KCNB2: variants seen among roughly 807,000 people sequenced by gnomAD.
The protein encoded by KCNB2 is delayed rectifier potassium channel protein.
In KCNB2, 15 loss-of-function variants were observed where a neutral mutation model predicts 61.5. The observed-to-expected ratio is 0.24, with a 90% confidence interval of 0.16 to 0.38. The LOEUF (loss-of-function observed/expected upper bound fraction) is 0.38. Ranked by LOEUF, KCNB2 falls within the 10% of genes least tolerant of loss-of-function variation. The pLI is 1.00. For missense variants in KCNB2, 828 were observed against 1,125.2 expected (o/e 0.74, Z 3.78); for synonymous variants, 457 against 446.0 (o/e 1.02, Z -0.31).
chr8:72,851,826 GAA>G lies in KCNB2; in HGVS notation c.580-84088_580-84087del, dbSNP rs55696554. Among the ~76,000 whole-genome samples the G allele has an allele frequency of 9.3e-4, 41 of 43,854 alleles. 2 individuals are homozygous for G. The highest frequency in any genetic ancestry group is 2.9e-3 in the South Asian group (2 of 682). 28.8% of individuals were successfully genotyped at this position (43,854 alleles called of 152,430 possible). On this transcript the variant is annotated intron_variant, in intron 2 of 2. Coordinates refer to ENST00000523207, the MANE Select transcript of KCNB2 (RefSeq NM_004770.3). ...TTTTTTTTTAATGTAGAAGCTGTAG[GAA>G]AAAAAAAAAAAAAAAAAAAACACGT...
Position 72,585,298 on chromosome 8 carries a change from A to G in KCNB2, c.579+16985A>G, listed in dbSNP as rs1806986280. Among the ~76,000 whole-genome samples, 2 of 152,196 alleles carry G rather than the reference A, an allele frequency of 1.3e-5. 1 individual carries two copies. Among genetic ancestry groups the G allele is most frequent in the African/African-American group, 4.8e-5 (2 of 41,454 alleles). The stretch of plus-strand genomic sequence containing the variant: ...CAGGAATTCCCTAGGAATTCTTCAT[A>G]ATATATAAGTTGATACAATTTTCTT... On this transcript the variant is annotated intron_variant, in intron 2 of 2. Coordinates refer to ENST00000523207, the MANE Select transcript of KCNB2 (RefSeq NM_004770.3).
At chr8:72,724,577 C>T (rs984754110) in intron 2 of KCNB2, among the ~76,000 whole-genome samples, 6 of 152,078 alleles carry the variant, frequency 3.9e-5, no homozygotes, top group Non-Finnish European at 8.8e-5. Flanking sequence ...ACCATACCTA[C>T]CTAAAATTGC....
chr8:72,862,454 C>A (rs1398699353), intron 2 of KCNB2, among the ~76,000 whole-genome samples: 2 of 151,994 alleles, frequency 1.3e-5, no homozygotes, highest in East Asian at 3.9e-4. Flanking sequence ...TACACAAAAC[C>A]TAAGAATTAC....
chr8:72,692,174 T>C (rs1427962508), intron 2 of KCNB2, among the ~76,000 whole-genome samples: 1 of 146,066 alleles, frequency 6.8e-6, no homozygotes, highest in Non-Finnish European at 1.5e-5. Flanking sequence ...AGGCAGAGCT[T>C]GCAGTGAGCC....
intron 2 of KCNB2, among the ~76,000 whole-genome samples, chr8:72,873,316 C>A (rs1444542293): frequency 6.6e-6 from 1 of 152,198 alleles, no homozygotes; most frequent in Non-Finnish European, 1.5e-5. Context: ...AAATGCAAGT[C>A]CCCACCCTTT....
chr8:72,702,309 C>T (rs1807145837), intron 2 of KCNB2, among the ~76,000 whole-genome samples: 2 of 152,140 alleles, frequency 1.3e-5, no homozygotes, highest in Admixed American at 1.3e-4. Context: ...TTGTCATTTT[C>T]CAGGGAACTC....
intron 2 of KCNB2, among the ~76,000 whole-genome samples, chr8:72,591,093 A>G (rs1807090399): frequency 6.6e-6 from 1 of 151,102 alleles, no homozygotes; most frequent in Non-Finnish European, 1.5e-5. Context: ...ACTTGGAGAC[A>G]CCTTTTGTTC....
rs1482426507 is a variant in KCNB2, at chr8:72,838,010, G to C, written c.580-97925G>C. 2.0e-5 allele frequency among the ~76,000 whole-genome samples: 3 copies of C among 152,018 alleles called. No individual in the cohort carries two copies. In the East Asian group the frequency reaches 5.8e-4, roughly 29 times the overall value. On this transcript the variant is annotated intron_variant, in intron 2 of 2. Coordinates refer to ENST00000523207, the MANE Select transcript of KCNB2 (RefSeq NM_004770.3). ...TACCTTTTTATATTAATTAGGTTTTGTGCCATTAACATTATTTTTAGGAAA... is the reference window on the plus strand; with the variant it reads ...TACCTTTTTATATTAATTAGGTTTTCTGCCATTAACATTATTTTTAGGAAA...
chr8:72,567,733 A>C lies in KCNB2; in HGVS notation c.-2A>C. On this transcript the variant is annotated 5_prime_UTR_variant, in exon 2 of 3. Transcript: ENST00000523207. ...TGGCTCTGCGGCTTTGTCCAGTTCA[A>C]AATGGCAGAAAAGGCTCCCCCGGGC... The C allele has an allele frequency of 6.4e-7, 1 of 1,550,668 alleles. No individual in the cohort carries two copies.
intron 2 of KCNB2, among the ~76,000 whole-genome samples, chr8:72,857,496 A>C (rs950007434): frequency 1.3e-5 from 2 of 152,120 alleles, no homozygotes; most frequent in African/African-American, 4.8e-5. Flanking sequence ...AGGCTGGAGA[A>C]GTAGGTTGGA....
At chr8:72,620,786 T>C (rs1191077312) in intron 2 of KCNB2, among the ~76,000 whole-genome samples, 1 of 152,078 alleles carries the variant, frequency 6.6e-6, no homozygotes, top group East Asian at 1.9e-4. Flanking sequence ...TTTCGTGTTT[T>C]TAGTAGAGAC....
intron 2 of KCNB2, among the ~76,000 whole-genome samples, chr8:72,758,025 A>T (rs1808317719): frequency 2.0e-5 from 3 of 152,218 alleles, no homozygotes; most frequent in Admixed American, 6.5e-5. Flanking sequence ...AGGCTTTGTT[A>T]TTCATTACCT....
rs1810264452 is a variant in KCNB2, at chr8:72,859,706, C to CTTTTTTTTTTTTTTTTTTTTTTTTT, written c.580-76229_580-76228insTTTTTTTTTTTTTTTTTTTTTTTTT. On this transcript the variant is annotated intron_variant, in intron 2 of 2. Transcript: ENST00000523207. ...TGTAGCATGGATCAGTACTTCATTT[C>CTTTTTTTTTTTTTTTTTTTTTTTTT]GTTTTTTTTTTTTTTTTTTTTTTTT... is the stretch of plus-strand genomic sequence containing the variant. 3.0e-4 allele frequency among the ~76,000 whole-genome samples: 22 copies of CTTTTTTTTTTTTTTTTTTTTTTTTT among 73,442 alleles called. 10 individuals carry two copies. Among genetic ancestry groups the CTTTTTTTTTTTTTTTTTTTTTTTTT allele is most frequent in the African/African-American group, 3.5e-4 (6 of 17,008 alleles). 48.2% of individuals were successfully genotyped at this position (73,442 alleles called of 152,430 possible).
At chr8:72,694,731 G>A (rs1806990819) in intron 2 of KCNB2, among the ~76,000 whole-genome samples, 1 of 151,786 alleles carries the variant, frequency 6.6e-6, no homozygotes, top group African/African-American at 2.4e-5. Context: ...TAATGGTAGT[G>A]GTTGTTTTCA....
chr8:72,854,644 G>C (rs1810176075), intron 2 of KCNB2, among the ~76,000 whole-genome samples: 1 of 152,090 alleles, frequency 6.6e-6, no homozygotes, highest in Non-Finnish European at 1.5e-5. Flanking sequence ...CTTGTGCTAG[G>C]TGCTATAAAA....
At chr8:72,856,441 A>G (rs1370110616) in intron 2 of KCNB2, among the ~76,000 whole-genome samples, 3 of 152,134 alleles carry the variant, frequency 2.0e-5, no homozygotes, top group African/African-American at 7.2e-5. Context: ...AGCAACCACA[A>G]AAAAAGAAAA....
Position 72,686,361 on chromosome 8 carries a change from T to G in KCNB2, c.579+118048T>G, listed in dbSNP as rs74304846. 3.0e-3 allele frequency among the ~76,000 whole-genome samples: 461 copies of G among 152,252 alleles called. 6 individuals are homozygous for G. Among genetic ancestry groups the G allele is most frequent in the East Asian group, 0.02 (104 of 5,158 alleles). ...ATGATCATCCTTTTTTGGATATTTT[T>G]TTTTGAAACAAGGTCTTGCTCTGTT... is the stretch of plus-strand genomic sequence containing the variant. On this transcript the variant is annotated intron_variant, in intron 2 of 2. Coordinates refer to ENST00000523207, the MANE Select transcript of KCNB2 (RefSeq NM_004770.3).
chr8:72,867,852 G>A (rs16938455), intron 2 of KCNB2, among the ~76,000 whole-genome samples: 20,530 of 151,984 alleles, frequency 0.14, 1,827 homozygotes, highest in African/African-American at 0.25. Context: ...AGACTAGGGC[G>A]GTGGAGCAAT....
intron 1 of KCNB2, among the ~76,000 whole-genome samples, chr8:72,560,871 T>C (rs1223936170): frequency 6.6e-6 from 1 of 152,182 alleles, no homozygotes; most frequent in East Asian, 1.9e-4. Context: ...AAATCTGGTG[T>C]TTTATTCTGT....
Sources: allele counts gnomAD v4.1 joint callset (sites outside exome capture counted in the v4.1 genomes callset), GRCh38; gene constraint gnomAD v4.1.1; transcripts MANE v1.5; gene names NCBI Gene and HGNC (gene_info 2026-07-23, HGNC 2026-07-21).